CEMIP: variants seen among roughly 807,000 people sequenced by gnomAD.
CEMIP encodes the protein cell migration inducing hyaluronidase 1, also known as cell migration-inducing and hyaluronan-binding protein.
A neutral mutation model predicts 156.9 loss-of-function variants in CEMIP; 105 were observed. The ratio of observed to expected loss-of-function variants is 0.67; its 90% CI spans 0.57 to 0.79. The LOEUF (loss-of-function observed/expected upper bound fraction) is 0.79, where lower values mean the gene tolerates loss of function less well. Ranked by LOEUF, CEMIP falls within the 30% of genes least tolerant of loss-of-function variation. The probability of loss-of-function intolerance (pLI) is 0.00; values close to 1 mark genes in which losing one functional copy is unlikely to be tolerated. For synonymous variants in CEMIP, 676 were observed against 668.4 expected (o/e 1.01, Z -0.17); for missense variants, 1,457 against 1,769.4 (o/e 0.82, Z 3.17).
At chr15:80,869,606 A>G (rs540357267) in intron 1 of CEMIP, among the ~76,000 whole-genome samples, 1 of 152,344 alleles carries the variant, frequency 6.6e-6, no homozygotes, top group Admixed American at 6.5e-5. Context: ...CTAAGAAGAT[A>G]GCAGCTTGCC....
At position 80,895,173 on chromosome 15, in the gene CEMIP, G is replaced by T. The variant is rs776090697; in HGVS notation, c.1219+51G>T. 10 of 1,612,640 alleles carry T rather than the reference G, an allele frequency of 6.2e-6. No individual in the cohort carries two copies. In the South Asian group the frequency reaches 1.1e-4, roughly 18 times the overall value. On this transcript the variant is annotated intron_variant, in intron 11 of 29. Coordinates refer to ENST00000394685, the MANE Select transcript of CEMIP (RefSeq NM_001293298.2). ...AGATGCAACTATGGCTCGGTTCCTTGAACTGGCAGCTATGCAGGCAACTTC... is the reference window on the plus strand; with the variant it reads ...AGATGCAACTATGGCTCGGTTCCTTTAACTGGCAGCTATGCAGGCAACTTC...
chr15:80,840,307 T>C (rs775485194), intron 1 of CEMIP, among the ~76,000 whole-genome samples: 25 of 151,716 alleles, frequency 1.6e-4, no homozygotes, highest in Non-Finnish European at 3.2e-4. Flanking sequence ...GCATGGAGGG[T>C]GGGGACGAGT....
chr15:80,914,425 G>C (rs1900184972), intron 14 of CEMIP, among the ~76,000 whole-genome samples: 2 of 152,112 alleles, frequency 1.3e-5, no homozygotes, highest in Non-Finnish European at 2.9e-5. Context: ...TTGAAACCAG[G>C]ATGTCCCCAA....
intron 1 of CEMIP, among the ~76,000 whole-genome samples, chr15:80,814,043 C>CTTTTTTTTTTT (rs778309859): frequency 4.1e-5 from 3 of 73,728 alleles, no homozygotes; most frequent in African/African-American, 1.8e-4. Context: ...AACTCTTTGG[C>CTTTTTTTTTTT]TTTTTTTTTT....
intron 16 of CEMIP, among the ~76,000 whole-genome samples, chr15:80,921,354 G>A (rs1236090339): frequency 1.3e-5 from 2 of 152,186 alleles, no homozygotes; most frequent in Non-Finnish European, 2.9e-5. Context: ...AACACTGAAC[G>A]CTTTATGTAT....
chr15:80,818,602 A>T (rs1420117015), intron 1 of CEMIP, among the ~76,000 whole-genome samples: 1 of 152,240 alleles, frequency 6.6e-6, no homozygotes, highest in African/African-American at 2.4e-5. Context: ...AGAATAGCTC[A>T]TCAATTTCAA....
chr15:80,791,762 T>A (rs1464468311), intron 1 of CEMIP, among the ~76,000 whole-genome samples: 3 of 152,178 alleles, frequency 2.0e-5, no homozygotes, highest in African/African-American at 7.2e-5. Flanking sequence ...TAATTCTTCA[T>A]GAATTCTTGG....
intron 6 of CEMIP, among the ~76,000 whole-genome samples, chr15:80,883,031 G>T (rs1898717275): frequency 6.6e-6 from 1 of 152,130 alleles, no homozygotes; most frequent in African/African-American, 2.4e-5. Context: ...ACCAGATTGT[G>T]CCAACAGTTG....
chr15:80,800,196 A>C (rs551245710), intron 1 of CEMIP, among the ~76,000 whole-genome samples: 3 of 152,038 alleles, frequency 2.0e-5, no homozygotes, highest in Non-Finnish European at 1.5e-5. Context: ...TTAATAGCCT[A>C]TGTTGAAGGG....
intron 7 of CEMIP, 105 bp downstream of exon 7, chr15:80,884,459 C>T (rs1250420722): frequency 8.6e-7 from 1 of 1,156,222 alleles, no homozygotes; most frequent in Non-Finnish European, 1.3e-6. Context: ...GCCGTACCAT[C>T]CTAAATGACC....
chr15:80,911,352 C>T (rs1900044510), intron 14 of CEMIP, among the ~76,000 whole-genome samples: 1 of 152,192 alleles, frequency 6.6e-6, no homozygotes, highest in Admixed American at 6.5e-5. Context: ...TTCACTGAGT[C>T]TTTGGAGCTT....
Position 80,881,135 on chromosome 15 carries a change from C to G in CEMIP, c.616C>G (p.Arg206Gly). 2.5e-6 allele frequency: 4 copies of G among 1,613,006 alleles called. No individual in the cohort carries two copies. The highest frequency in any genetic ancestry group is 3.4e-6 in the Non-Finnish European group (4 of 1,178,992). The change falls in exon 6 of 30, where the codon CGG (arginine) becomes GGG (glycine). Residue 206 changes from arginine (R) to glycine (G), a missense_variant and splice_region_variant. Transcript: ENST00000394685. ...ATCAGGCACAGTCATCCATTCTGAC[C>G]GGTAAGGTTTGCCTTCACTTAAACG... Reference protein sequence around the residue: ...PKSGTVIHSDRFDTYRSKKES... With the variant: ...PKSGTVIHSDGFDTYRSKKES...
At chr15:80,891,471 C>G (rs1414941654) in intron 10 of CEMIP, among the ~76,000 whole-genome samples, 1 of 152,196 alleles carries the variant, frequency 6.6e-6, no homozygotes, top group African/African-American at 2.4e-5. Flanking sequence ...AAAGAGTTCC[C>G]TTGGCAATAC....
At chr15:80,841,938 G>T (rs1897430861) in intron 1 of CEMIP, 3 of 271,432 alleles carry the variant, frequency 1.1e-5, no homozygotes, top group Non-Finnish European at 1.6e-5. Flanking sequence ...TTCCTGGCGG[G>T]GATTACATAC....
At chr15:80,798,110 T>C (rs1313812343) in intron 1 of CEMIP, among the ~76,000 whole-genome samples, 1 of 152,232 alleles carries the variant, frequency 6.6e-6, no homozygotes, top group Admixed American at 6.5e-5. Context: ...ATAAGCCATA[T>C]AACCGTGTAT....
At chr15:80,829,104 C>T (rs1024184828) in intron 1 of CEMIP, among the ~76,000 whole-genome samples, 11 of 152,214 alleles carry the variant, frequency 7.2e-5, no homozygotes, top group African/African-American at 2.7e-4. Flanking sequence ...ACAGCTGCTC[C>T]AGGCCTTCTC....
intron 1 of CEMIP, among the ~76,000 whole-genome samples, chr15:80,846,462 A>G (rs997761093): frequency 2.6e-5 from 4 of 152,178 alleles, no homozygotes; most frequent in Non-Finnish European, 5.9e-5. Flanking sequence ...TCATCGTTGT[A>G]GGTCAGAGGC....
At chr15:80,934,406 C>A (rs969900187) in intron 23 of CEMIP, among the ~76,000 whole-genome samples, 5 of 152,106 alleles carry the variant, frequency 3.3e-5, no homozygotes, top group African/African-American at 1.2e-4. Context: ...TAGAACAGGG[C>A]AGAACTTAAA....
At chr15:80,855,640 G>A (rs372911755) in intron 1 of CEMIP, among the ~76,000 whole-genome samples, 77 of 151,822 alleles carry the variant, frequency 5.1e-4, no homozygotes, top group South Asian at 2.3e-3. Context: ...CTCCTGTCTC[G>A]GCCTCCCAAG....
Sources: gnomAD v4.1 joint callset for allele counts (sites outside exome capture counted in the v4.1 genomes callset) on GRCh38, gnomAD v4.1.1 for gene constraint, MANE v1.5 for transcripts, NCBI Gene and HGNC (gene_info 2026-07-23, HGNC 2026-07-21) for gene names.